The following LMO7 variants were observed in gnomAD, a reference collection of about 807,000 sequenced individuals.
LMO7 encodes LIM domain 7.
In LMO7, 120 loss-of-function variants were observed where a neutral mutation model predicts 206.5. The ratio of observed to expected loss-of-function variants is 0.58; its 90% CI spans 0.50 to 0.68. LMO7 has a LOEUF of 0.68. Ranked by LOEUF, LMO7 falls within the 30% of genes least tolerant of loss-of-function variation. The pLI, the probability that LMO7 is intolerant of heterozygous loss-of-function variation, is 0.00. For missense variants in LMO7, 1,959 were observed against 1,957.9 expected (o/e 1.00, Z -0.01); for synonymous variants, 706 against 681.5 (o/e 1.04, Z -0.56).
At chr13:75,785,935 G>A (rs377394388) in intron 4 of LMO7, among the ~76,000 whole-genome samples, 1 of 152,162 alleles carries the variant, frequency 6.6e-6, no homozygotes, top group Non-Finnish European at 1.5e-5. Flanking sequence ...GTGTCTTCAG[G>A]AATATCAGTG....
chr13:75,668,671 A>G (rs1454149838), intron 1 of LMO7, among the ~76,000 whole-genome samples: 4 of 151,748 alleles, frequency 2.6e-5, no homozygotes, highest in Non-Finnish European at 5.9e-5. Context: ...TTTTTTTTTT[A>G]TACATTAGTC....
chr13:75,671,695 A>G (rs181406640), intron 1 of LMO7, among the ~76,000 whole-genome samples: 1 of 152,328 alleles, frequency 6.6e-6, no homozygotes, highest in African/African-American at 2.4e-5. Flanking sequence ...ACGTCTTACA[A>G]TAGAAATTTG....
chr13:75,697,198 TC>T (rs1490260538), intron 1 of LMO7, among the ~76,000 whole-genome samples: 1 of 152,162 alleles, frequency 6.6e-6, no homozygotes, highest in Non-Finnish European at 1.5e-5. Context: ...AGGCACGTTC[TC>T]AAGGCCAAGA....
At chr13:75,732,662 T>G (rs1402594436) in intron 3 of LMO7, among the ~76,000 whole-genome samples, 1 of 152,234 alleles carries the variant, frequency 6.6e-6, no homozygotes, top group African/African-American at 2.4e-5. Flanking sequence ...GTTCCATTGC[T>G]GGTGAGGAAC....
chr13:75,677,609 G>A lies in LMO7; in HGVS notation c.70-35573G>A, dbSNP rs141897314. 4.9e-3 allele frequency among the ~76,000 whole-genome samples: 732 copies of A among 150,466 alleles called. 5 individuals are homozygous for A. Among genetic ancestry groups the A allele is most frequent in the Non-Finnish European group, 7.2e-3 (485 of 67,746 alleles). Reference sequence around the variant, plus strand: ...AGGAAATAAGCTAGATTTCTTGTGCGTCCCAATAGAAGTCTTTGTATTTGT... The same window carrying A: ...AGGAAATAAGCTAGATTTCTTGTGCATCCCAATAGAAGTCTTTGTATTTGT... On this transcript the variant is annotated intron_variant, in intron 1 of 30. Coordinates refer to ENST00000377534, the MANE Select transcript of LMO7 (RefSeq NM_001306080.2).
At chr13:75,707,054 C>G (rs2042710627) in intron 1 of LMO7, among the ~76,000 whole-genome samples, 1 of 151,748 alleles carries the variant, frequency 6.6e-6, no homozygotes, top group African/African-American at 2.4e-5. Context: ...CTCTTCTATT[C>G]TTTGTTCCTT....
At chr13:75,793,467 G>T (rs2053581146) in intron 4 of LMO7, among the ~76,000 whole-genome samples, 1 of 152,100 alleles carries the variant, frequency 6.6e-6, no homozygotes, top group South Asian at 2.1e-4. Flanking sequence ...GTAGAGACGG[G>T]GTTTCCCCGT....
Position 75,853,139 on chromosome 13 carries a change from G to A in LMO7, c.4412G>A (p.Arg1471Lys), listed in dbSNP as rs769787890. ...GACTCCCCCCGATCCAATTCTTGGAGACAGCCTCCTTGGCTCAATCAGCCC... is the reference window on the plus strand; with the variant it reads ...GACTCCCCCCGATCCAATTCTTGGAAACAGCCTCCTTGGCTCAATCAGCCC... ...NLDSPRSNSW[R>K]QPPWLNQPTG... The change falls in exon 28 of 31, where the codon AGA becomes AAA. Residue 1471 changes from arginine (R) to lysine (K), a missense_variant. Coordinates refer to ENST00000377534, the MANE Select transcript of LMO7 (RefSeq NM_001306080.2). 1 of 1,613,446 alleles carries A rather than the reference G, an allele frequency of 6.2e-7. No homozygotes were observed. Among genetic ancestry groups the A allele is most frequent in the South Asian group, 1.1e-5 (1 of 90,996 alleles).
intron 4 of LMO7, among the ~76,000 whole-genome samples, chr13:75,788,315 C>T (rs1351051540): frequency 2.0e-5 from 3 of 151,746 alleles, no homozygotes; most frequent in African/African-American, 4.8e-5. Context: ...AAAAATTAGC[C>T]GAGCGTGTTG....
At position 75,804,969 on chromosome 13, in the gene LMO7, G is replaced by C. The variant is rs981167024; in HGVS notation, c.914+428G>C. ...TGGGGAGGCGTACGGTTTTGAAAGTGGTTCGGACTCTGAGGATGAACGAAG... is the reference window on the plus strand; with the variant it reads ...TGGGGAGGCGTACGGTTTTGAAAGTCGTTCGGACTCTGAGGATGAACGAAG... On this transcript the variant is annotated intron_variant, in intron 8 of 30. Transcript: ENST00000377534. 3.0e-5 allele frequency: 30 copies of C among 1,000,030 alleles called. No homozygotes were observed. The Middle Eastern group carries it at 2.0e-3, about 67-fold the overall frequency. 61.9% of individuals were successfully genotyped at this position (1,000,030 alleles called of 1,614,324 possible). A position where few individuals can be genotyped will look rare whatever the true frequency, so the allele number is the denominator to read the frequency against.
intron 12 of LMO7, 132 bp from the exon 13 acceptor site, chr13:75,819,261 A>C: frequency 8.8e-7 from 1 of 1,132,898 alleles, no homozygotes; most frequent in East Asian, 2.7e-5. Context: ...AAAAAGCAAA[A>C]TTAGGGCACC....
At chr13:75,833,781 A>G (rs898244973) in intron 16 of LMO7, among the ~76,000 whole-genome samples, 2 of 152,156 alleles carry the variant, frequency 1.3e-5, no homozygotes, top group African/African-American at 4.8e-5. Flanking sequence ...GTTCTTTTAC[A>G]TCTTAAGATT....
At position 75,845,365 on chromosome 13, in the gene LMO7, C is replaced by G. The variant is rs749882893; in HGVS notation, c.4136C>G (p.Ser1379Cys). The part of the protein sequence containing the change: ...SRSTTELDDY[S>C]TNKNGNNKYL... ...TCTACTACTGAACTGGATGATTACT[C>G]CACAAATAAAAATGGTAAATGCGAT... The change falls in exon 26 of 31, where the codon TCC becomes TGC. Residue 1379 changes from serine (S) to cysteine (C), a missense_variant. Transcript: ENST00000377534. 2 of 1,582,522 alleles carry G rather than the reference C, an allele frequency of 1.3e-6. No homozygotes were observed. The highest frequency in any genetic ancestry group is 1.7e-6 in the Non-Finnish European group (2 of 1,154,760).
At chr13:75,838,293 A>G in intron 20 of LMO7, 97 bp downstream of exon 20, 1 of 1,544,586 alleles carries the variant, frequency 6.5e-7, no homozygotes, top group Admixed American at 1.8e-5. Context: ...GAGCCTCTTC[A>G]ATTTGTCTGT....
Position 75,838,324 on chromosome 13 carries a change from A to C in LMO7, c.3451+128A>C, listed in dbSNP as rs772790711. ...TCTGTCATTATGACCAAGCGACATA[A>C]CCCATTTCCATTCTTTCCCTAGGGT... is the stretch of plus-strand genomic sequence containing the variant. On this transcript the variant is annotated intron_variant, in intron 20 of 30. Coordinates refer to ENST00000377534, the MANE Select transcript of LMO7 (RefSeq NM_001306080.2). 70 of 1,533,632 alleles carry C rather than the reference A, an allele frequency of 4.6e-5. No individual in the cohort carries two copies. In the African/African-American group the frequency reaches 7.1e-4, roughly 16 times the overall value.
At chr13:75,826,912 C>T (rs2058163047) in intron 15 of LMO7, among the ~76,000 whole-genome samples, 1 of 152,102 alleles carries the variant, frequency 6.6e-6, no homozygotes, top group Non-Finnish European at 1.5e-5. Context: ...ACATCACGTA[C>T]TTTTTGGAGC....
In LMO7 at chr13:75,804,401, C is replaced by T. The variant is rs1166036608; in HGVS notation, c.774C>T (p.Phe258=). 2 of 1,614,048 alleles carry T rather than the reference C, an allele frequency of 1.2e-6. No homozygotes were observed. The highest frequency in any genetic ancestry group is 1.7e-6 in the Non-Finnish European group (2 of 1,180,022). Residue 258 remains phenylalanine, a synonymous_variant, in exon 8 of 31, where the codon TTC becomes TTT. Coordinates refer to ENST00000377534, the MANE Select transcript of LMO7 (RefSeq NM_001306080.2). Reference sequence around the variant, plus strand: ...TTGAGCCAAAGACTGCGTTACCCTTCAATCGTTTTTTACCCAACAAAAGTA... The same window carrying T: ...TTGAGCCAAAGACTGCGTTACCCTTTAATCGTTTTTTACCCAACAAAAGTA... The part of the protein sequence containing the change: ...SAVEPKTALP[F]NRFLPNKSRQ...
At chr13:75,641,542 T>A (rs2036529034) in intron 1 of LMO7, among the ~76,000 whole-genome samples, 1 of 152,234 alleles carries the variant, frequency 6.6e-6, no homozygotes, top group South Asian at 2.1e-4. Context: ...AATCTCCATT[T>A]CTTTGGTAAG....
intron 3 of LMO7, among the ~76,000 whole-genome samples, chr13:75,744,379 T>C (rs1169647157): frequency 6.6e-6 from 1 of 152,236 alleles, no homozygotes; most frequent in Non-Finnish European, 1.5e-5. Flanking sequence ...AAATCTAAGA[T>C]GAACATTTAC....
Sources: gnomAD v4.1 joint callset for allele counts (sites outside exome capture counted in the v4.1 genomes callset) on GRCh38, gnomAD v4.1.1 for gene constraint, MANE v1.5 for transcripts, NCBI Gene and HGNC (gene_info 2026-07-23, HGNC 2026-07-21) for gene names.